PRKG1: variants seen among roughly 807,000 people sequenced by gnomAD.
PRKG1 encodes the protein cGMP-dependent protein kinase 1.
In PRKG1, 35 loss-of-function variants were observed where a neutral mutation model predicts 88.1. The observed-to-expected ratio is 0.40, with a 90% CI of 0.30 to 0.53. The LOEUF is 0.53. PRKG1 is among the 20% of genes least tolerant of loss of function. The pLI, the probability that PRKG1 is intolerant of heterozygous loss-of-function variation, is 0.59. For synonymous variants in PRKG1, 303 were observed against 292.5 expected (o/e 1.04, Z -0.37); for missense variants, 540 against 839.8 (o/e 0.64, Z 4.41).
chr10:51,186,974 ATATATATATG>A (rs1356644322), intron 2 of PRKG1, among the ~76,000 whole-genome samples: 33 of 146,070 alleles, frequency 2.3e-4, no homozygotes, highest in Middle Eastern at 3.6e-3. Flanking sequence ...ATATATATAT[ATATATATATG>A]TATATATATA....
intron 3 of PRKG1, among the ~76,000 whole-genome samples, chr10:51,571,537 T>TG (rs1564555193): frequency 6.6e-6 from 1 of 151,772 alleles, no homozygotes; most frequent in African/African-American, 2.4e-5. Flanking sequence ...AAATGTTTCA[T>TG]GAGGGGGTGA....
At chr10:51,380,248 GC>G in intron 2 of PRKG1, among the ~76,000 whole-genome samples, 1 of 152,086 alleles carries the variant, frequency 6.6e-6, no homozygotes, top group Non-Finnish European at 1.5e-5. Context: ...ACTCTAGTTT[GC>G]AAAAGAAAAT....
chr10:52,177,138 T>G (rs1838888330), intron 9 of PRKG1, among the ~76,000 whole-genome samples: 1 of 152,128 alleles, frequency 6.6e-6, no homozygotes, highest in Admixed American at 6.5e-5. Flanking sequence ...TTCAGTATGT[T>G]AGGTGACTGT....
Position 51,241,980 on chromosome 10 carries a change from A to T in PRKG1, c.478+88650A>T, listed in dbSNP as rs891624464. 5.3e-5 allele frequency among the ~76,000 whole-genome samples: 8 copies of T among 151,704 alleles called. No homozygotes were observed. The East Asian group carries it at 5.8e-4, about 11-fold the overall frequency. On this transcript the variant is annotated intron_variant, in intron 2 of 17. Coordinates refer to ENST00000373980, the MANE Select transcript of PRKG1 (RefSeq NM_006258.4). ...TTTGCCCTCTATGCTGGAACAATAA[A>T]AAAAAAAAAAAGATGAATAATGTAA...
chr10:51,969,900 A>T (rs1050890811), intron 5 of PRKG1, among the ~76,000 whole-genome samples: 1 of 151,914 alleles, frequency 6.6e-6, no homozygotes, highest in Middle Eastern at 3.2e-3. Flanking sequence ...AAAGTTGAAA[A>T]ATTGAAAATA....
At chr10:51,712,984 T>TAG (rs1841798177) in intron 3 of PRKG1, among the ~76,000 whole-genome samples, 2 of 152,042 alleles carry the variant, frequency 1.3e-5, no homozygotes, top group Non-Finnish European at 2.9e-5. Flanking sequence ...GGTTTTTTTT[T>TAG]TTGATGGATG....
At chr10:51,149,737 A>G (rs541819748) in intron 1 of PRKG1, among the ~76,000 whole-genome samples, 1 of 152,246 alleles carries the variant, frequency 6.6e-6, no homozygotes, top group Non-Finnish European at 1.5e-5. Context: ...GCACTGGCTC[A>G]TGTAAGATCT....
intron 2 of PRKG1, among the ~76,000 whole-genome samples, chr10:51,361,051 A>T (rs899868911): frequency 6.6e-6 from 1 of 151,914 alleles, no homozygotes; most frequent in Non-Finnish European, 1.5e-5. Context: ...CAGTATTCTC[A>T]GCTCCAGTAA....
chr10:51,185,237 G>A (rs1837455970), intron 2 of PRKG1, among the ~76,000 whole-genome samples: 3 of 152,070 alleles, frequency 2.0e-5, no homozygotes, highest in Admixed American at 6.6e-5. Context: ...GGGATGTTGT[G>A]AGAATTAAGA....
At chr10:51,633,840 C>A (rs1190960983) in intron 3 of PRKG1, among the ~76,000 whole-genome samples, 2 of 152,094 alleles carry the variant, frequency 1.3e-5, no homozygotes, top group Non-Finnish European at 2.9e-5. Flanking sequence ...AAAATTGATC[C>A]ATAAGCTATT....
At chr10:51,034,173 G>C (rs1312834714) in intron 1 of PRKG1, among the ~76,000 whole-genome samples, 5 of 152,120 alleles carry the variant, frequency 3.3e-5, no homozygotes, top group Admixed American at 3.3e-4. Flanking sequence ...CATGAACTTA[G>C]AGATTAAGAC....
At position 52,161,971 on chromosome 10, in the gene PRKG1, A is replaced by T. The variant is rs1272277334; in HGVS notation, c.1076+8A>T. The T allele has an allele frequency of 1.2e-6, 2 of 1,604,912 alleles. No homozygotes were observed. Among genetic ancestry groups the T allele is most frequent in the Admixed American group, 1.7e-5 (1 of 59,718 alleles). Reference sequence around the variant, plus strand: ...TGCAGAAGCTAAAGCAAAGTAAGTGACTTTTTTCCTTAATTTTGATTGCAA... The same window carrying T: ...TGCAGAAGCTAAAGCAAAGTAAGTGTCTTTTTTCCTTAATTTTGATTGCAA... On this transcript the variant is annotated splice_region_variant and intron_variant, in intron 9 of 17. Coordinates refer to ENST00000373980, the MANE Select transcript of PRKG1 (RefSeq NM_006258.4).
At chr10:51,010,495 A>C (rs182944392) in intron 1 of PRKG1, among the ~76,000 whole-genome samples, 1 of 152,322 alleles carries the variant, frequency 6.6e-6, no homozygotes, top group East Asian at 1.9e-4. Flanking sequence ...TGCACACATA[A>C]TTGTGTGTAT....
intron 3 of PRKG1, among the ~76,000 whole-genome samples, chr10:51,784,807 A>G (rs1838686851): frequency 6.6e-6 from 1 of 152,136 alleles, no homozygotes; most frequent in African/African-American, 2.4e-5. Flanking sequence ...TTTAGCTTGA[A>G]AAATAATCAT....
At chr10:51,474,961 C>T (rs1840151079) in intron 3 of PRKG1, among the ~76,000 whole-genome samples, 1 of 151,812 alleles carries the variant, frequency 6.6e-6, no homozygotes, top group African/African-American at 2.4e-5. Context: ...TGCAGTCATC[C>T]CATGCATTAT....
In PRKG1 at chr10:52,234,785, C is replaced by T. The variant is rs1490838737; in HGVS notation, c.1077-16785C>T. 1.4e-4 allele frequency among the ~76,000 whole-genome samples: 14 copies of T among 101,064 alleles called. 1 individual carries two copies. The highest frequency in any genetic ancestry group is 8.1e-4 in the Admixed American group (8 of 9,826). 66.3% of individuals were successfully genotyped at this position (101,064 alleles called of 152,430 possible). On this transcript the variant is annotated intron_variant, in intron 9 of 17. Transcript: ENST00000373980. ...AACTTCCCCAATCTAGCAAGGCAGG[C>T]CAACATTCAGATTCAGGAAATACAG...
At chr10:51,181,120 T>C (rs1316847795) in intron 2 of PRKG1, among the ~76,000 whole-genome samples, 1 of 151,568 alleles carries the variant, frequency 6.6e-6, no homozygotes, top group Non-Finnish European at 1.5e-5. Context: ...CTGGGGCAAA[T>C]ATGGTCTCAT....
At chr10:51,462,906 A>G (rs78306810) in intron 2 of PRKG1, among the ~76,000 whole-genome samples, 5,282 of 152,252 alleles carry the variant, frequency 0.035, 200 homozygotes, top group South Asian at 0.088. Context: ...ATACCAATCT[A>G]GTAATATATT....
At chr10:52,087,187 C>G (rs1846938626) in intron 7 of PRKG1, among the ~76,000 whole-genome samples, 1 of 152,144 alleles carries the variant, frequency 6.6e-6, no homozygotes, top group South Asian at 2.1e-4. Context: ...TTCCGTAAAG[C>G]CTTGCAAATA....
Sources: allele counts gnomAD v4.1 joint callset (sites outside exome capture counted in the v4.1 genomes callset), GRCh38; gene constraint gnomAD v4.1.1; transcripts MANE v1.5; gene names NCBI Gene and HGNC (gene_info 2026-07-23, HGNC 2026-07-21).